TENM2: variants seen among roughly 807,000 people sequenced by gnomAD.
TENM2 encodes teneurin-2.
Under a neutral mutation model 245.2 loss-of-function variants are expected in TENM2, and 52 were observed. The observed-to-expected ratio is 0.21, with a 90% CI of 0.17 to 0.27. TENM2 has a LOEUF of 0.27. TENM2 is among the 10% of genes least tolerant of loss of function. The pLI, the probability that TENM2 is intolerant of heterozygous loss-of-function variation, is 1.00. For synonymous variants in TENM2, 1,363 were observed against 1,438.9 expected, an observed-to-expected ratio of 0.95 and a Z score of 1.19; for missense variants, 3,046 against 3,666.8, an observed-to-expected ratio of 0.83 and a Z score of 4.37.
intron 9 of TENM2, among the ~76,000 whole-genome samples, chr5:168,101,308 G>A (rs1433905310): frequency 3.3e-5 from 5 of 152,150 alleles, no homozygotes; most frequent in East Asian, 1.9e-4. Flanking sequence ...CGCACGGCCC[G>A]TGAGCTGTAA....
At chr5:166,989,481 C>T in the TENM2 span, among the ~76,000 whole-genome samples, 21 of 151,864 alleles carry the variant, frequency 1.4e-4, no homozygotes, top group Admixed American at 1.4e-3. Context: ...CTCCTGACCT[C>T]GTGATCTGCC....
intron 2 of TENM2, among the ~76,000 whole-genome samples, chr5:167,628,632 G>T (rs778555149): frequency 1.1e-4 from 17 of 152,278 alleles, no homozygotes; most frequent in Admixed American, 2.6e-4. Flanking sequence ...CACAGTACAA[G>T]GTGGTATAGA....
At chr5:167,980,586 G>A (rs1204885453) in intron 4 of TENM2, among the ~76,000 whole-genome samples, 1 of 152,162 alleles carries the variant, frequency 6.6e-6, no homozygotes, top group African/African-American at 2.4e-5. Context: ...ACCATCACAA[G>A]ACGCCTTATA....
chr5:167,434,901 A>T (rs536071356), intron 2 of TENM2, among the ~76,000 whole-genome samples: 27 of 152,332 alleles, frequency 1.8e-4, no homozygotes, highest in African/African-American at 4.3e-4. Flanking sequence ...ATAGATTCAG[A>T]TGTAGATTAG....
intron 2 of TENM2, among the ~76,000 whole-genome samples, chr5:167,628,844 A>T (rs1778684905): frequency 6.6e-6 from 1 of 152,184 alleles, no homozygotes; most frequent in South Asian, 2.1e-4. Flanking sequence ...TCTGCAGTTG[A>T]CCATTCATTC....
the TENM2 span, among the ~76,000 whole-genome samples, chr5:167,055,498 A>G: frequency 1.3e-5 from 2 of 152,132 alleles, no homozygotes; most frequent in Admixed American, 6.5e-5. Context: ...CAAGTTGGGA[A>G]GAAGTGACAT....
At chr5:167,813,313 G>A (rs1766781434) in intron 2 of TENM2, among the ~76,000 whole-genome samples, 2 of 152,068 alleles carry the variant, frequency 1.3e-5, no homozygotes, top group South Asian at 4.2e-4. Flanking sequence ...GAGGCTTTCA[G>A]AGGAAGGGGA....
intron 2 of TENM2, among the ~76,000 whole-genome samples, chr5:167,504,927 T>C (rs1769440906): frequency 6.6e-6 from 1 of 152,166 alleles, no homozygotes; most frequent in South Asian, 2.1e-4. Flanking sequence ...AAGGACAGTA[T>C]ACTATTTTTG....
chr5:167,833,570 G>A (rs907726630), intron 2 of TENM2, among the ~76,000 whole-genome samples: 2 of 152,186 alleles, frequency 1.3e-5, no homozygotes, highest in Admixed American at 6.5e-5. Flanking sequence ...TGGTTGACCC[G>A]AACCTTATCG....
chr5:167,785,297 AT>A (rs1297953809), intron 2 of TENM2, among the ~76,000 whole-genome samples: 1 of 152,238 alleles, frequency 6.6e-6, no homozygotes, highest in East Asian at 1.9e-4. Context: ...CCACAGGAAG[AT>A]GAATCAATGA....
chr5:167,400,798 A>T (rs1441334522), intron 2 of TENM2, among the ~76,000 whole-genome samples: 1 of 152,170 alleles, frequency 6.6e-6, no homozygotes, highest in Admixed American at 6.5e-5. Flanking sequence ...ACTATTAAGT[A>T]GAGCAAGGTC....
intron 2 of TENM2, among the ~76,000 whole-genome samples, chr5:167,571,212 T>A (rs1774245581): frequency 6.6e-6 from 1 of 152,120 alleles, no homozygotes; most frequent in Non-Finnish European, 1.5e-5. Flanking sequence ...GCACAGACAT[T>A]GTTTATTCTT....
chr5:167,287,556 C>T (rs1000300135), intron 1 of TENM2: 2 of 152,176 alleles, frequency 1.3e-5, no homozygotes, highest in African/African-American at 4.8e-5. Flanking sequence ...AAAGAATTGC[C>T]AGCCAGCAAA....
chr5:167,877,167 C>T (rs536937848), intron 3 of TENM2, among the ~76,000 whole-genome samples: 1 of 152,246 alleles, frequency 6.6e-6, no homozygotes, highest in Non-Finnish European at 1.5e-5. Flanking sequence ...CCATCCAAAG[C>T]AATACAGAGC....
At chr5:167,570,338 A>T (rs966056533) in intron 2 of TENM2, among the ~76,000 whole-genome samples, 1 of 135,762 alleles carries the variant, frequency 7.4e-6, no homozygotes, top group African/African-American at 2.7e-5. Flanking sequence ...ATCAATAACT[A>T]TTGGGAATGG....
intron 2 of TENM2, among the ~76,000 whole-genome samples, chr5:167,599,011 T>A (rs1460107692): frequency 2.6e-5 from 4 of 152,158 alleles, no homozygotes; most frequent in Non-Finnish European, 4.4e-5. Flanking sequence ...GAAATTTTTT[T>A]AGGCATTCTT....
chr5:168,260,076 A>G (rs1159851070), intron 27 of TENM2, among the ~76,000 whole-genome samples: 1 of 152,184 alleles, frequency 6.6e-6, no homozygotes, highest in Non-Finnish European at 1.5e-5. Flanking sequence ...CATGGTGGTT[A>G]TCAACTGACC....
At chr5:168,127,508 C>A (rs1181925136) in intron 12 of TENM2, among the ~76,000 whole-genome samples, 3 of 152,190 alleles carry the variant, frequency 2.0e-5, no homozygotes, top group African/African-American at 4.8e-5. Context: ...CACTCAGCCA[C>A]CTCTCTATAA....
chr5:167,686,497 G>A (rs1317776142), intron 2 of TENM2, among the ~76,000 whole-genome samples: 1 of 152,150 alleles, frequency 6.6e-6, no homozygotes, highest in African/African-American at 2.4e-5. Context: ...CTGCATAGTA[G>A]TCACTCTGGT....
Sources: allele counts gnomAD v4.1 joint callset (sites outside exome capture counted in the v4.1 genomes callset), GRCh38; gene constraint gnomAD v4.1.1; transcripts MANE v1.5; gene names NCBI Gene and HGNC (gene_info 2026-07-23, HGNC 2026-07-21).